The following BTG4 variants were observed in gnomAD, a reference collection of about 807,000 sequenced individuals.
BTG4 encodes the protein protein BTG4.
BTG4 carries 10 observed loss-of-function variants against 19.3 expected under a neutral mutation model. The ratio of observed to expected loss-of-function variants is 0.52; its 90% CI spans 0.32 to 0.88. BTG4 has a LOEUF of 0.88. Ranked by LOEUF, BTG4 falls within the 40% of genes least tolerant of loss-of-function variation. BTG4 has a pLI of 0.04. For synonymous variants in BTG4, 91 were observed against 95.7 expected, an observed-to-expected ratio of 0.95 and a Z score of 0.29; for missense variants, 238 against 281.9, an observed-to-expected ratio of 0.84 and a Z score of 1.11.
intron 5 of BTG4, among the ~76,000 whole-genome samples, chr11:111,474,067 A>G (rs922113495): frequency 1.3e-5 from 2 of 152,184 alleles, no homozygotes; most frequent in African/African-American, 4.8e-5. Flanking sequence ...TGCACAGTAG[A>G]GACCTATCAT....
the BTG4 span, among the ~76,000 whole-genome samples, chr11:111,429,825 C>T: frequency 1.1e-4 from 16 of 152,352 alleles, no homozygotes; most frequent in East Asian, 1.9e-3. Flanking sequence ...GCTGCTGATC[C>T]CACCTGCTTT....
At chr11:111,434,163 A>G in the BTG4 span, among the ~76,000 whole-genome samples, 38 of 152,268 alleles carry the variant, frequency 2.5e-4, no homozygotes, top group African/African-American at 7.7e-4. Context: ...ATGTCCATCA[A>G]TGATAGACTG....
the BTG4 span, among the ~76,000 whole-genome samples, chr11:111,408,892 G>A: frequency 2.6e-5 from 4 of 152,316 alleles, no homozygotes; most frequent in East Asian, 3.9e-4. Context: ...AATGGGATTC[G>A]TGCTGTGATC....
chr11:111,507,085 G>A (rs1403329801), intron 1 of BTG4, among the ~76,000 whole-genome samples: 19 of 151,100 alleles, frequency 1.3e-4, no homozygotes, highest in Admixed American at 1.3e-3. Context: ...AAAAAAAAAA[G>A]CTTAAGTGCC....
chr11:111,436,524 G>T, the BTG4 span, among the ~76,000 whole-genome samples: 1 of 152,022 alleles, frequency 6.6e-6, no homozygotes, highest in Non-Finnish European at 1.5e-5. Flanking sequence ...TACTCAGGGG[G>T]CTGAGGCAGA....
chr11:111,439,499 TCG>T, the BTG4 span, among the ~76,000 whole-genome samples: 2 of 152,006 alleles, frequency 1.3e-5, no homozygotes, highest in Non-Finnish European at 2.9e-5. Context: ...GCCTGTACTC[TCG>T]GTGCCCCCCA....
intron 5 of BTG4, among the ~76,000 whole-genome samples, chr11:111,471,996 T>C (rs1451973761): frequency 6.6e-6 from 1 of 152,200 alleles, no homozygotes; most frequent in Non-Finnish European, 1.5e-5. Context: ...CCACTGCTCA[T>C]CAACTACAAT....
At chr11:111,472,710 T>A (rs1440679364) in intron 5 of BTG4, among the ~76,000 whole-genome samples, 1 of 152,220 alleles carries the variant, frequency 6.6e-6, no homozygotes, top group Non-Finnish European at 1.5e-5. Context: ...CCTAACACAC[T>A]ACATAATTTA....
downstream of BTG4, among the ~76,000 whole-genome samples, chr11:111,463,846 C>T (rs1863560872): frequency 6.6e-6 from 1 of 152,182 alleles, no homozygotes; most frequent in Non-Finnish European, 1.5e-5. Context: ...TCCAAGCTCA[C>T]TCTTATGGCT....
At chr11:111,435,531 G>A in the BTG4 span, among the ~76,000 whole-genome samples, 4 of 152,142 alleles carry the variant, frequency 2.6e-5, no homozygotes, top group East Asian at 1.9e-4. Flanking sequence ...GGAGGCAGGC[G>A]AGGAAAGGAA....
the BTG4 span, among the ~76,000 whole-genome samples, chr11:111,394,400 G>A: frequency 2.6e-5 from 4 of 152,174 alleles, no homozygotes; most frequent in South Asian, 2.1e-4. Context: ...TCTTGTGGCC[G>A]TGAATAAGTC....
At chr11:111,504,973 C>T (rs781706305) in intron 1 of BTG4, among the ~76,000 whole-genome samples, 3 of 151,982 alleles carry the variant, frequency 2.0e-5, no homozygotes, top group Non-Finnish European at 4.4e-5. Flanking sequence ...TTGTAGATGA[C>T]ACAAATAAAT....
chr11:111,442,546 C>CACACACACACACA, the BTG4 span, among the ~76,000 whole-genome samples: 1,136 of 141,652 alleles, frequency 8.0e-3, 18 homozygotes, highest in African/African-American at 0.024. Context: ...ACACACACAC[C>CACACACACACACA]AGATGAGCCT....
At chr11:111,390,560 C>A in the BTG4 span, among the ~76,000 whole-genome samples, 239 of 152,296 alleles carry the variant, frequency 1.6e-3, no homozygotes, top group African/African-American at 5.6e-3. Context: ...CTACATGCAA[C>A]AAATTCAAGA....
chr11:111,414,209 T>C, the BTG4 span: 3 of 152,228 alleles, frequency 2.0e-5, no homozygotes, highest in Admixed American at 1.3e-4. Flanking sequence ...TTGTATCTAA[T>C]TGGCTTCCAC....
intron 1 of BTG4, among the ~76,000 whole-genome samples, chr11:111,502,463 G>A (rs1866152034): frequency 6.6e-6 from 1 of 152,126 alleles, no homozygotes; most frequent in Admixed American, 6.6e-5. Context: ...AGATTATTAG[G>A]ACAAATTTGC....
At chr11:111,490,279 T>A (rs202149124), downstream of BTG4, among the ~76,000 whole-genome samples, 2 of 150,546 alleles carry the variant, frequency 1.3e-5, no homozygotes, top group Non-Finnish European at 3.0e-5. Context: ...ATCTCAAAAA[T>A]AAAAAAAATA....
chr11:111,494,647 C>T (rs1041170154), downstream of BTG4, among the ~76,000 whole-genome samples: 1 of 152,030 alleles, frequency 6.6e-6, no homozygotes, highest in Admixed American at 6.5e-5. Flanking sequence ...TGAATGGTGG[C>T]CGGGCACGGT....
chr11:111,478,147 AGAG>A (rs1268825535), intron 5 of BTG4, among the ~76,000 whole-genome samples: 1 of 152,160 alleles, frequency 6.6e-6, no homozygotes, highest in Non-Finnish European at 1.5e-5. Context: ...TAGTGGAATC[AGAG>A]GAGGACAAGT....
Sources: allele counts gnomAD v4.1 joint callset (sites outside exome capture counted in the v4.1 genomes callset), GRCh38; gene constraint gnomAD v4.1.1; transcripts MANE v1.5; gene names NCBI Gene and HGNC (gene_info 2026-07-23, HGNC 2026-07-21).